The following PDGFD variants were observed in gnomAD, a reference collection of about 807,000 sequenced individuals.
PDGFD encodes the protein platelet-derived growth factor D.
Under a neutral mutation model 44.7 loss-of-function variants are expected in PDGFD, and 30 were observed. That is an observed-to-expected ratio of 0.67 (90% CI 0.50 to 0.91). The LOEUF is 0.91. PDGFD is among the 40% of genes least tolerant of loss of function. The probability of loss-of-function intolerance (pLI) is 0.00; values close to 1 mark genes in which losing one functional copy is unlikely to be tolerated. For synonymous variants in PDGFD, 173 were observed against 168.4 expected (o/e 1.03, Z -0.21); for missense variants, 445 against 457.8 (o/e 0.97, Z 0.25).
chr11:104,063,864 T>A (rs1860749319), intron 1 of PDGFD, among the ~76,000 whole-genome samples: 1 of 152,076 alleles, frequency 6.6e-6, no homozygotes, highest in Non-Finnish European at 1.5e-5. Context: ...CAATTTGAGA[T>A]GAGATTTGGG....
chr11:104,066,001 A>T (rs1331805745), intron 1 of PDGFD, among the ~76,000 whole-genome samples: 1 of 152,218 alleles, frequency 6.6e-6, no homozygotes, highest in Non-Finnish European at 1.5e-5. Flanking sequence ...ATTAACTAAA[A>T]TATTTTAATT....
At chr11:103,949,014 T>A (rs111245235) in intron 3 of PDGFD, among the ~76,000 whole-genome samples, 17,405 of 143,022 alleles carry the variant, frequency 0.12, 1,277 homozygotes, top group Middle Eastern at 0.2. Flanking sequence ...TTTTTTTTTT[T>A]TTTTTTGAGA....
At chr11:103,966,755 C>A (rs1859026247) in intron 3 of PDGFD, among the ~76,000 whole-genome samples, 1 of 152,124 alleles carries the variant, frequency 6.6e-6, no homozygotes, top group South Asian at 2.1e-4. Context: ...AATGGGGCAC[C>A]ATGGGCACAA....
chr11:104,047,463 G>GT (rs1186391372), intron 1 of PDGFD, among the ~76,000 whole-genome samples: 1 of 146,928 alleles, frequency 6.8e-6, no homozygotes, highest in Admixed American at 6.8e-5. Flanking sequence ...ACTCATTGTG[G>GT]TTTTGATTTG....
At position 104,032,544 on chromosome 11, in the gene PDGFD, AT is replaced by A. The variant is rs771340483; in HGVS notation, c.125-32290del. Among the ~76,000 whole-genome samples, 43 of 151,812 alleles carry A rather than the reference AT, an allele frequency of 2.8e-4. No homozygotes were observed. In the East Asian group the frequency reaches 6.2e-3, roughly 22 times the overall value. The stretch of plus-strand genomic sequence containing the variant: ...ATAGTGACATTTATGTAGGTATTCT[AT>A]TTTTTTTCACTAAAAAGACAATTAT... On this transcript the variant is annotated intron_variant, in intron 1 of 6. Coordinates refer to ENST00000393158, the MANE Select transcript of PDGFD (RefSeq NM_025208.5).
chr11:104,007,399 A>C (rs992699805), intron 1 of PDGFD, among the ~76,000 whole-genome samples: 4 of 152,244 alleles, frequency 2.6e-5, no homozygotes, highest in Admixed American at 6.5e-5. Flanking sequence ...ATAATGCTTA[A>C]GGAGAAATGA....
Position 103,909,537 on chromosome 11 carries a change from G to A in PDGFD, c.*157C>T, listed in dbSNP as rs868288689. The A allele has an allele frequency of 1.2e-6, 1 of 831,702 alleles. No individual in the cohort carries two copies. Among genetic ancestry groups the A allele is most frequent in the South Asian group, 1.6e-5 (1 of 60,692 alleles). The allele number at this position is 831,702 out of a possible 1,614,324, so 51.5% of individuals were successfully genotyped here. On this transcript the variant is annotated 3_prime_UTR_variant, in exon 7 of 7. Coordinates refer to ENST00000393158, the MANE Select transcript of PDGFD (RefSeq NM_025208.5). ...GATGATATACCTTTCTACTTGCCAT[G>A]GCATTAACAAAGCAAGGCTGAGACT...
rs1335349885 is a variant in PDGFD at position 104,103,478 on chromosome 11, A to G, written c.124+60326T>C. Among the ~76,000 whole-genome samples the G allele has an allele frequency of 5.5e-3, 718 of 131,206 alleles. 8 individuals are homozygous for G. The highest frequency in any genetic ancestry group is 0.013 in the East Asian group (59 of 4,388). 86.1% of individuals were successfully genotyped at this position (131,206 alleles called of 152,430 possible). On this transcript the variant is annotated intron_variant, in intron 1 of 6. Transcript: ENST00000393158. ...TGTGTGTGTGTATATATATATATAT[A>G]TATATATATATATATATGAATATAT...
At chr11:104,150,062 C>G (rs1391129216) in intron 1 of PDGFD, among the ~76,000 whole-genome samples, 1 of 152,098 alleles carries the variant, frequency 6.6e-6, no homozygotes, top group African/African-American at 2.4e-5. Context: ...ACATCACTTT[C>G]AACACTTTGA....
chr11:104,126,316 T>C (rs190636819), intron 1 of PDGFD, among the ~76,000 whole-genome samples: 24 of 152,230 alleles, frequency 1.6e-4, no homozygotes, highest in African/African-American at 5.1e-4. Context: ...AGGGACGCCC[T>C]CCTCCAGTCC....
intron 1 of PDGFD, among the ~76,000 whole-genome samples, chr11:104,103,985 G>A (rs1861435467): frequency 6.6e-6 from 1 of 151,892 alleles, no homozygotes; most frequent in South Asian, 2.1e-4. Flanking sequence ...ATGAGTGTTA[G>A]GGCCCCAAAG....
Position 103,926,668 on chromosome 11 carries a change from T to C in PDGFD, c.987+244A>G, listed in dbSNP as rs1197776669. 8.5e-5 allele frequency among the ~76,000 whole-genome samples: 13 copies of C among 152,208 alleles called. 1 individual carries two copies. Among genetic ancestry groups the C allele is most frequent in the Admixed American group, 8.5e-4 (13 of 15,276 alleles). ...TATTTGATTATATATTCTAACAATG[T>C]TGATGTTGATCCACATGGTGTATTG... On this transcript the variant is annotated intron_variant, in intron 6 of 6. Coordinates refer to ENST00000393158, the MANE Select transcript of PDGFD (RefSeq NM_025208.5).
intron 1 of PDGFD, among the ~76,000 whole-genome samples, chr11:104,119,982 AATT>A (rs1246074382): frequency 1.4e-5 from 2 of 142,548 alleles, no homozygotes; most frequent in East Asian, 2.0e-4. Flanking sequence ...ATAGTATCAT[AATT>A]ATTAATTAAA....
intron 6 of PDGFD, among the ~76,000 whole-genome samples, chr11:103,912,441 G>A (rs1858043242): frequency 6.6e-6 from 1 of 152,126 alleles, no homozygotes; most frequent in African/African-American, 2.4e-5. Flanking sequence ...ACAGATTTTT[G>A]TCACCACCAG....
intron 5 of PDGFD, among the ~76,000 whole-genome samples, chr11:103,937,920 A>G (rs1858518212): frequency 6.6e-6 from 1 of 151,718 alleles, no homozygotes. Flanking sequence ...TCCATGGTGT[A>G]TATGTGCCAC....
intron 6 of PDGFD, among the ~76,000 whole-genome samples, chr11:103,914,267 G>A (rs995381654): frequency 6.6e-6 from 1 of 152,170 alleles, no homozygotes; most frequent in Non-Finnish European, 1.5e-5. Context: ...AAGTAAGTTT[G>A]CCCACATTCT....
chr11:104,144,145 T>C (rs571189286), intron 1 of PDGFD, among the ~76,000 whole-genome samples: 1 of 152,272 alleles, frequency 6.6e-6, no homozygotes, highest in East Asian at 1.9e-4. Context: ...GTTAAGACTA[T>C]AAATAAAATA....
intron 5 of PDGFD, among the ~76,000 whole-genome samples, chr11:103,934,480 AAGTGTATT>A (rs1858456442): frequency 6.6e-6 from 1 of 152,222 alleles, no homozygotes; most frequent in South Asian, 2.1e-4. Flanking sequence ...TATCCTTTGC[AAGTGTATT>A]AGTCCATTCT....
chr11:103,937,578 G>A (rs1384822876), intron 5 of PDGFD, among the ~76,000 whole-genome samples: 3 of 151,892 alleles, frequency 2.0e-5, no homozygotes, highest in Non-Finnish European at 4.4e-5. Context: ...TATACTTTAA[G>A]TTTTAGAGTA....
Sources: gnomAD v4.1 joint callset for allele counts (sites outside exome capture counted in the v4.1 genomes callset) on GRCh38, gnomAD v4.1.1 for gene constraint, MANE v1.5 for transcripts, NCBI Gene and HGNC (gene_info 2026-07-23, HGNC 2026-07-21) for gene names.